ATP9B: variants seen among roughly 807,000 people sequenced by gnomAD.
The protein encoded by ATP9B is probable phospholipid-transporting ATPase IIB.
Under a neutral mutation model 146.1 loss-of-function variants are expected in ATP9B, and 110 were observed. The observed-to-expected ratio is 0.75, with a 90% confidence interval of 0.65 to 0.88. The LOEUF is 0.88. Among genes scored for constraint, ATP9B ranks in the 40% least tolerant of loss-of-function variants. The pLI is 0.00. For missense variants in ATP9B, 1,499 were observed against 1,496.4 expected, an observed-to-expected ratio of 1.00 and a Z score of -0.03; for synonymous variants, 604 against 569.7, an observed-to-expected ratio of 1.06 and a Z score of -0.86.
At chr18:79,289,995 G>A (rs1014769748) in intron 13 of ATP9B, among the ~76,000 whole-genome samples, 2 of 152,042 alleles carry the variant, frequency 1.3e-5, no homozygotes, top group Non-Finnish European at 2.9e-5. Flanking sequence ...AGGAGTACCC[G>A]GCTGTGTGAG....
chr18:79,342,874 A>G (rs1222621935), intron 20 of ATP9B, among the ~76,000 whole-genome samples: 1 of 152,234 alleles, frequency 6.6e-6, no homozygotes, highest in Non-Finnish European at 1.5e-5. Context: ...CAAGCTATAA[A>G]TACAAAATAG....
chr18:79,070,706 C>T (rs2071627554), intron 1 of ATP9B, among the ~76,000 whole-genome samples: 2 of 151,706 alleles, frequency 1.3e-5, no homozygotes, highest in Non-Finnish European at 2.9e-5. Context: ...GGTGCACGCA[C>T]ATTCAAGATT....
rs1274410740 is a variant in ATP9B at position 79,375,880 on chromosome 18, G to GTCTAAA, written c.3307+455_3307+460dup. On this transcript the variant is annotated intron_variant, in intron 29 of 29. Transcript: ENST00000426216. ...GATCTTTTTATCCCATCCGGCAACAGTCTAAAGGGATTTCCACTATATGTA... is the reference window on the plus strand; with the variant it reads ...GATCTTTTTATCCCATCCGGCAACAGTCTAAATCTAAAGGGATTTCCACTATATGTA... 4 of 985,274 alleles carry GTCTAAA rather than the reference G, an allele frequency of 4.1e-6. No individual in the cohort carries two copies. The African/African-American group carries it at 7.0e-5, about 17-fold the overall frequency. The allele number at this position is 985,274 out of a possible 1,614,324, so 61.0% of individuals were successfully genotyped here.
At chr18:79,356,471 A>G (rs2096953854) in intron 25 of ATP9B, among the ~76,000 whole-genome samples, 1 of 152,232 alleles carries the variant, frequency 6.6e-6, no homozygotes, top group Non-Finnish European at 1.5e-5. Flanking sequence ...ATCAAAAACT[A>G]GGACCAACCC....
chr18:79,188,047 A>G (rs1220532136), intron 8 of ATP9B, among the ~76,000 whole-genome samples: 3 of 152,108 alleles, frequency 2.0e-5, no homozygotes, highest in African/African-American at 7.2e-5. Context: ...TAGCTGTGCT[A>G]CCCCTTTTCT....
intron 11 of ATP9B, among the ~76,000 whole-genome samples, chr18:79,221,928 T>TA (rs11308061): frequency 1.8e-3 from 241 of 131,544 alleles, no homozygotes; most frequent in East Asian, 4.3e-3. Context: ...TTAGCTGCTT[T>TA]AAAAAAAAAA....
intron 2 of ATP9B, among the ~76,000 whole-genome samples, chr18:79,110,133 T>C (rs1167736921): frequency 6.6e-6 from 1 of 152,164 alleles, no homozygotes; most frequent in African/African-American, 2.4e-5. Flanking sequence ...AGAAAGATAA[T>C]TCCCCTGGGG....
intron 15 of ATP9B, among the ~76,000 whole-genome samples, chr18:79,315,075 G>A (rs2096672167): frequency 6.6e-6 from 1 of 152,120 alleles, no homozygotes; most frequent in Non-Finnish European, 1.5e-5. Flanking sequence ...TCTCATGTTG[G>A]TAAGTTCCGT....
At chr18:79,237,248 G>A (rs147882507) in intron 11 of ATP9B, among the ~76,000 whole-genome samples, 18,394 of 131,046 alleles carry the variant, frequency 0.14, 1,182 homozygotes, top group Admixed American at 0.18. Context: ...TACACGGTCC[G>A]TGCACGAGTC....
chr18:79,248,108 A>T (rs2095986590), intron 11 of ATP9B, among the ~76,000 whole-genome samples: 1 of 152,236 alleles, frequency 6.6e-6, no homozygotes, highest in Admixed American at 6.5e-5. Context: ...GAGGCGATAA[A>T]CGATAATGGC....
At chr18:79,308,855 T>G (rs868408677) in intron 15 of ATP9B, among the ~76,000 whole-genome samples, 8 of 129,808 alleles carry the variant, frequency 6.2e-5, no homozygotes, top group African/African-American at 1.6e-4. Context: ...GGTCAGGGGC[T>G]GAGGAGTGAT....
chr18:79,286,947 C>T (rs1358443610), intron 13 of ATP9B, among the ~76,000 whole-genome samples: 1 of 152,150 alleles, frequency 6.6e-6, no homozygotes, highest in Admixed American at 6.5e-5. Context: ...TTGAACCAGC[C>T]TTGCATCCCA....
At chr18:79,243,590 T>C (rs1295399579) in intron 11 of ATP9B, among the ~76,000 whole-genome samples, 1 of 152,252 alleles carries the variant, frequency 6.6e-6, no homozygotes, top group Admixed American at 6.5e-5. Flanking sequence ...GACTAGGTCC[T>C]GTAACATCTC....
intron 10 of ATP9B, chr18:79,209,762 G>T: frequency 1.2e-6 from 1 of 820,044 alleles, no homozygotes; most frequent in African/African-American, 1.9e-5. Context: ...ATCTTTAAAT[G>T]TAAGCTTTAA....
At chr18:79,259,417 G>C (rs1377090842) in intron 12 of ATP9B, among the ~76,000 whole-genome samples, 1 of 152,228 alleles carries the variant, frequency 6.6e-6, no homozygotes, top group Non-Finnish European at 1.5e-5. Flanking sequence ...CTGGGTCAGA[G>C]TGTTTTTACT....
intron 13 of ATP9B, among the ~76,000 whole-genome samples, chr18:79,284,802 G>A (rs967748300): frequency 2.1e-5 from 3 of 139,946 alleles, no homozygotes; most frequent in African/African-American, 8.0e-5. Flanking sequence ...CCCAGAGTGT[G>A]ATGTTCCCCT....
At chr18:79,197,372 A>G (rs1452559641) in intron 9 of ATP9B, among the ~76,000 whole-genome samples, 1 of 152,048 alleles carries the variant, frequency 6.6e-6, no homozygotes, top group Non-Finnish European at 1.5e-5. Context: ...ATAAAAATAA[A>G]AATGAAAATT....
chr18:79,157,406 A>AAAAAACAAAC lies in ATP9B; in HGVS notation c.778+2856_778+2857insCAAACAAAAA, dbSNP rs1267117724. 6.6e-5 allele frequency among the ~76,000 whole-genome samples: 8 copies of AAAAAACAAAC among 120,400 alleles called. No homozygotes were observed. In the East Asian group the frequency reaches 2.3e-3, roughly 34 times the overall value. The allele number at this position is 120,400 out of a possible 152,430, so 79.0% of individuals were successfully genotyped here. On this transcript the variant is annotated intron_variant, in intron 7 of 29. Transcript: ENST00000426216. ...AGTGAAACTCCATCTCAAAAAAAAA[A>AAAAAACAAAC]AAAAAAAAAAAAAAAAAACATGTAT...
At chr18:79,259,670 A>AC (rs2096120585) in intron 12 of ATP9B, among the ~76,000 whole-genome samples, 2 of 152,120 alleles carry the variant, frequency 1.3e-5, no homozygotes, top group South Asian at 2.1e-4. Context: ...CGGACCAGGG[A>AC]CCCCAAGTGC....
Sources: gnomAD v4.1 joint callset for allele counts (sites outside exome capture counted in the v4.1 genomes callset) on GRCh38, gnomAD v4.1.1 for gene constraint, MANE v1.5 for transcripts, NCBI Gene and HGNC (gene_info 2026-07-23, HGNC 2026-07-21) for gene names.